The following NPIPB8 variants were observed in gnomAD, a reference collection of about 807,000 sequenced individuals.
NPIPB8 encodes nuclear pore complex-interacting protein family member B8.
NPIPB8 carries 3 observed loss-of-function variants against 5.3 expected under a neutral mutation model. The observed-to-expected ratio is 0.57, with a 90% CI of 0.26 to 1.47. NPIPB8 has a LOEUF of 1.47. Ranked by LOEUF, NPIPB8 falls within the 40% of genes most tolerant of loss-of-function variation. The pLI, the probability that NPIPB8 is intolerant of heterozygous loss-of-function variation, is 0.13. For synonymous variants in NPIPB8, 18 were observed against 23.0 expected (o/e 0.78, Z 0.62); for missense variants, 50 against 50.2 (o/e 1.00, Z 0.01).
chr16:28,642,396 G>T (rs1174622044), intron 2 of NPIPB8, among the ~76,000 whole-genome samples: 1 of 147,504 alleles, frequency 6.8e-6, no homozygotes. Flanking sequence ...GAGCCACCAT[G>T]CCCAGCCAAA....
chr16:28,640,294 G>A (rs1322883231), intron 2 of NPIPB8, among the ~76,000 whole-genome samples: 1 of 151,904 alleles, frequency 6.6e-6, no homozygotes, highest in East Asian at 1.9e-4. Flanking sequence ...CACCACTGAA[G>A]GCTCTTTTCC....
intron 2 of NPIPB8, among the ~76,000 whole-genome samples, chr16:28,644,385 A>T (rs1416164879): frequency 1.5e-5 from 1 of 67,740 alleles, no homozygotes; most frequent in Non-Finnish European, 2.8e-5. Context: ...CAGGTGCCCA[A>T]CAGCCCCCTT....
chr16:28,640,585 C>T (rs3959260), intron 2 of NPIPB8, among the ~76,000 whole-genome samples: 70 of 152,144 alleles, frequency 4.6e-4, no homozygotes, highest in South Asian at 1.7e-3. Context: ...CCATTAAGAC[C>T]GTCATATGGT....
intron 1 of NPIPB8, 82 bp downstream of exon 1, chr16:28,638,232 T>G: frequency 6.6e-7 from 1 of 1,504,248 alleles, no homozygotes; most frequent in Non-Finnish European, 8.8e-7. Flanking sequence ...TGTCCTTTTC[T>G]GAAGCCCCTA....
Position 28,653,146 on chromosome 16 carries a change from C to T in NPIPB8, c.599+782C>T, listed in dbSNP as rs1164940730. ...AGAGTGCAGTGGCATGATCTTGGCT[C>T]ACTGCAACCTCCGCCTCCCAGGTTC... On this transcript the variant is annotated intron_variant, in intron 5 of 7. Coordinates refer to ENST00000683297, the MANE Select transcript of NPIPB8 (RefSeq NM_001310136.2). Among the ~76,000 whole-genome samples the T allele has an allele frequency of 4.0e-4, 45 of 112,904 alleles. 1 individual carries two copies. In the East Asian group the frequency reaches 9.1e-3, roughly 23 times the overall value. The allele number at this position is 112,904 out of a possible 152,430, so 74.1% of individuals were successfully genotyped here.
In NPIPB8 at chr16:28,644,677, G is replaced by A. The variant is rs531908401; in HGVS notation, c.121-3458G>A. ...CCCTGTGAGTAGACGCTGGACCCGCGGGGTTTCTTCCTTTTTACTGGGCTG... is the reference window on the plus strand; with the variant it reads ...CCCTGTGAGTAGACGCTGGACCCGCAGGGTTTCTTCCTTTTTACTGGGCTG... On this transcript the variant is annotated intron_variant, in intron 2 of 7. Coordinates refer to ENST00000683297, the MANE Select transcript of NPIPB8 (RefSeq NM_001310136.2). The A allele has an allele frequency of 2.0e-4, 273 of 1,360,148 alleles. 1 individual carries two copies. The highest frequency in any genetic ancestry group is 2.7e-4 in the Middle Eastern group (1 of 3,768). The allele number at this position is 1,360,148 out of a possible 1,614,324, so 84.3% of individuals were successfully genotyped here. A position where few individuals can be genotyped will look rare whatever the true frequency, so the allele number is the denominator to read the frequency against.
intron 2 of NPIPB8, among the ~76,000 whole-genome samples, chr16:28,640,468 G>A (rs1289805337): frequency 2.0e-5 from 3 of 151,962 alleles, no homozygotes; most frequent in Non-Finnish European, 2.9e-5. Context: ...CTTTTGCCTC[G>A]AGGTGACACG....
At chr16:28,639,815 CAT>C (rs760823242) in intron 2 of NPIPB8, among the ~76,000 whole-genome samples, 63 of 150,556 alleles carry the variant, frequency 4.2e-4, no homozygotes, top group Non-Finnish European at 8.1e-4. Context: ...AAAGAATATG[CAT>C]AGTTTTACCC....
intron 2 of NPIPB8, among the ~76,000 whole-genome samples, chr16:28,641,622 C>A (rs1421982502): frequency 7.3e-6 from 1 of 136,572 alleles, no homozygotes; most frequent in Non-Finnish European, 1.6e-5. Context: ...TGACCAAGGG[C>A]CTTCCAAGGT....
At chr16:28,640,889 G>C (rs1458032119) in intron 2 of NPIPB8, among the ~76,000 whole-genome samples, 1 of 152,140 alleles carries the variant, frequency 6.6e-6, no homozygotes, top group Admixed American at 6.5e-5. Flanking sequence ...AACATTGAGA[G>C]AGTTGATTTG....
intron 2 of NPIPB8, among the ~76,000 whole-genome samples, chr16:28,642,764 G>A (rs2047927658): frequency 1.3e-5 from 2 of 151,762 alleles, no homozygotes; most frequent in African/African-American, 4.8e-5. Context: ...TTACAGGCGT[G>A]AGCCACCACA....
At chr16:28,642,261 A>C (rs1053429182) in intron 2 of NPIPB8, among the ~76,000 whole-genome samples, 2 of 151,472 alleles carry the variant, frequency 1.3e-5, no homozygotes, top group East Asian at 2.0e-4. Context: ...GTGTGCCACC[A>C]TGCCTGGCTA....
chr16:28,644,793 A>G (rs1356171162), intron 2 of NPIPB8: 1 of 404,592 alleles, frequency 2.5e-6, no homozygotes, highest in African/African-American at 3.6e-5. Context: ...CCAGGAGTTG[A>G]AGACTAGCCA....
chr16:28,652,730 T>G (rs1265013992), intron 5 of NPIPB8, among the ~76,000 whole-genome samples: 1 of 131,560 alleles, frequency 7.6e-6, no homozygotes, highest in African/African-American at 3.0e-5. Context: ...GCCTCCCAAG[T>G]AGCTGGGATT....
At position 28,641,684 on chromosome 16, in the gene NPIPB8, C is replaced by T. The variant is rs1465700735; in HGVS notation, c.120+3204C>T. The stretch of plus-strand genomic sequence containing the variant: ...TGGGAGGTGATGACACTCAGGTACA[C>T]GGGTGCTCAACAGATTGCTTCCTCC... On this transcript the variant is annotated intron_variant, in intron 2 of 7. Coordinates refer to ENST00000683297, the MANE Select transcript of NPIPB8 (RefSeq NM_001310136.2). 1.2e-4 allele frequency among the ~76,000 whole-genome samples: 15 copies of T among 129,498 alleles called. 1 individual carries two copies. The highest frequency in any genetic ancestry group is 2.5e-4 in the South Asian group (1 of 4,056). The allele number at this position is 129,498 out of a possible 152,430, so 85.0% of individuals were successfully genotyped here. A position where few individuals can be genotyped will look rare whatever the true frequency, so the allele number is the denominator to read the frequency against.
chr16:28,645,214 A>G (rs1175974573), intron 2 of NPIPB8, among the ~76,000 whole-genome samples: 1 of 124,562 alleles, frequency 8.0e-6, no homozygotes, highest in South Asian at 2.4e-4. Flanking sequence ...TATTTTTAGT[A>G]GAGACGGGGT....
At chr16:28,642,542 T>G (rs1174954700) in intron 2 of NPIPB8, among the ~76,000 whole-genome samples, 2 of 151,056 alleles carry the variant, frequency 1.3e-5, no homozygotes, top group Non-Finnish European at 3.0e-5. Flanking sequence ...TGGAGTGCAG[T>G]GGTGCAATCT....
At chr16:28,642,319 T>TG in intron 2 of NPIPB8, among the ~76,000 whole-genome samples, 1 of 152,106 alleles carries the variant, frequency 6.6e-6, no homozygotes, top group East Asian at 1.9e-4. Flanking sequence ...TTGGTCAGGC[T>TG]GGTCTCGAAC....
chr16:28,652,376 C>G lies in NPIPB8; in HGVS notation c.599+12C>G, dbSNP rs1157586684. The G allele has an allele frequency of 1.2e-5, 3 of 242,072 alleles. No individual in the cohort carries two copies. The highest frequency in any genetic ancestry group is 2.2e-5 in the Non-Finnish European group (3 of 138,002). 15.0% of individuals were successfully genotyped at this position (242,072 alleles called of 1,614,324 possible). A position where few individuals can be genotyped will look rare whatever the true frequency, so the allele number is the denominator to read the frequency against. Reference sequence around the variant, plus strand: ...ACCGCCAGAAAACAGTAAGATGTGCCTTGACACAAATACTGTTGTATGAAC... The same window carrying G: ...ACCGCCAGAAAACAGTAAGATGTGCGTTGACACAAATACTGTTGTATGAAC... On this transcript the variant is annotated intron_variant, in intron 5 of 7. Coordinates refer to ENST00000683297, the MANE Select transcript of NPIPB8 (RefSeq NM_001310136.2).
Sources: allele counts gnomAD v4.1 joint callset (sites outside exome capture counted in the v4.1 genomes callset), GRCh38; gene constraint gnomAD v4.1.1; transcripts MANE v1.5; gene names NCBI Gene and HGNC (gene_info 2026-07-23, HGNC 2026-07-21).